The following ANLN variants were observed in gnomAD, a reference collection of about 807,000 sequenced individuals.
ANLN encodes anillin.
ANLN carries 59 observed loss-of-function variants against 135.1 expected under a neutral mutation model. The ratio of observed to expected loss-of-function variants is 0.44; its 90% CI spans 0.35 to 0.54. The LOEUF (loss-of-function observed/expected upper bound fraction) is 0.54. ANLN is among the 20% of genes least tolerant of loss of function. ANLN has a pLI of 0.00. For synonymous variants in ANLN, 406 were observed against 456.4 expected (o/e 0.89, Z 1.41); for missense variants, 1,182 against 1,340.0 (o/e 0.88, Z 1.84).
At chr7:36,439,346 C>T (rs989700170) in intron 21 of ANLN, 56 bp downstream of exon 21, 16 of 1,001,934 alleles carry the variant, frequency 1.6e-5, no homozygotes, top group African/African-American at 1.5e-4. Flanking sequence ...GAAATACAGA[C>T]TTGTTTCCCA....
rs1209229800 is a variant in ANLN, at chr7:36,410,955, CT to C, written c.1288-99del. 14 of 1,117,760 alleles carry C rather than the reference CT, an allele frequency of 1.3e-5. No homozygotes were observed. In the African/African-American group the frequency reaches 2.2e-4, roughly 18 times the overall value. The allele number at this position is 1,117,760 out of a possible 1,614,324, so 69.2% of individuals were successfully genotyped here. ...CTTTTTAAACTGAAAACTGTTTAAACTTTTTAAACAGTTTAAAACTGCAAAC... is the reference window on the plus strand; with the variant it reads ...CTTTTTAAACTGAAAACTGTTTAAACTTTTAAACAGTTTAAAACTGCAAAC... On this transcript the variant is annotated intron_variant, in intron 6 of 23. Coordinates refer to ENST00000265748, the MANE Select transcript of ANLN (RefSeq NM_018685.5).
At chr7:36,414,628 G>C (rs1314181872) in intron 7 of ANLN, among the ~76,000 whole-genome samples, 1 of 152,186 alleles carries the variant, frequency 6.6e-6, no homozygotes, top group Non-Finnish European at 1.5e-5. Flanking sequence ...GGGTAGTATT[G>C]AGGCTTAGAT....
At chr7:36,440,594 G>A (rs1488266798) in intron 21 of ANLN, among the ~76,000 whole-genome samples, 2 of 152,142 alleles carry the variant, frequency 1.3e-5, no homozygotes, top group African/African-American at 2.4e-5. Flanking sequence ...TGGGAGAGAC[G>A]TAAGCGGCTT....
At chr7:36,422,150 C>T (rs908610152) in intron 13 of ANLN, among the ~76,000 whole-genome samples, 158 bp downstream of exon 13, 1 of 152,098 alleles carries the variant, frequency 6.6e-6, no homozygotes, top group Non-Finnish European at 1.5e-5. Flanking sequence ...TTTAAGAACT[C>T]TATGTAAAAC....
Position 36,393,965 on chromosome 7 carries a change from T to G in ANLN, c.19-2301T>G, listed in dbSNP as rs528334327. On this transcript the variant is annotated intron_variant, in intron 1 of 23. Coordinates refer to ENST00000265748, the MANE Select transcript of ANLN (RefSeq NM_018685.5). ...TGCCTGGCATGGCCTTAGGTCCTAG[T>G]TATTTGTTTACAGACAGGGTCTCAC... Among the ~76,000 whole-genome samples the G allele has an allele frequency of 7.3e-5, 11 of 151,478 alleles. No homozygotes were observed. The South Asian group carries it at 2.3e-3, about 32-fold the overall frequency.
chr7:36,401,579 TCCGCCTGCCGCGGCCTC>T (rs1431033668), intron 3 of ANLN, among the ~76,000 whole-genome samples: 3 of 139,110 alleles, frequency 2.2e-5, no homozygotes, highest in Non-Finnish European at 3.2e-5. Context: ...CCTCAGGTGA[TCCGCCTGCCGCGGCCTC>T]CCAAAGTGCT....
intron 12 of ANLN, 109 bp from the exon 13 acceptor site, chr7:36,421,748 A>T: frequency 9.5e-7 from 1 of 1,055,144 alleles, no homozygotes; most frequent in Non-Finnish European, 1.3e-6. Context: ...TTTGACTTTC[A>T]TCTGGAAATT....
At chr7:36,398,407 C>T (rs2116520508) in intron 2 of ANLN, among the ~76,000 whole-genome samples, 1 of 152,270 alleles carries the variant, frequency 6.6e-6, no homozygotes, top group East Asian at 1.9e-4. Flanking sequence ...CTGGTTTCTA[C>T]ACTTGGCTCA....
intron 20 of ANLN, among the ~76,000 whole-genome samples, chr7:36,429,923 A>G (rs908659843): frequency 6.6e-6 from 1 of 152,208 alleles, no homozygotes; most frequent in Admixed American, 6.5e-5. Flanking sequence ...TGAGTGCAAA[A>G]TCAAACCACT....
At chr7:36,422,068 T>C in intron 13 of ANLN, 76 bp downstream of exon 13, 1 of 1,513,970 alleles carries the variant, frequency 6.6e-7, no homozygotes, top group Non-Finnish European at 8.9e-7. Flanking sequence ...TAGAAATCTT[T>C]AAGTTTAGAG....
intron 1 of ANLN, among the ~76,000 whole-genome samples, chr7:36,390,693 T>C (rs996651978): frequency 1.3e-5 from 2 of 152,232 alleles, no homozygotes; most frequent in Non-Finnish European, 2.9e-5. Context: ...CTCACGATTT[T>C]AGAGCAAAGA....
chr7:36,424,484 A>G (rs946002103), intron 15 of ANLN, 61 bp from the exon 16 acceptor site: 6 of 1,343,384 alleles, frequency 4.5e-6, no homozygotes, highest in Non-Finnish European at 6.2e-6. Context: ...TTGTAGCATC[A>G]TTTTTAATGG....
Position 36,425,953 on chromosome 7 carries a change from C to A in ANLN, c.2749-62C>A, listed in dbSNP as rs533347991. On this transcript the variant is annotated intron_variant, in intron 18 of 23. Coordinates refer to ENST00000265748, the MANE Select transcript of ANLN (RefSeq NM_018685.5). Reference sequence around the variant, plus strand: ...AGAGATGAGTGATTCATATTTAAATCTTTGTATTAAATAAGGGAAATAACT... The same window carrying A: ...AGAGATGAGTGATTCATATTTAAATATTTGTATTAAATAAGGGAAATAACT... 3.4e-5 allele frequency: 46 copies of A among 1,335,378 alleles called. 1 individual carries two copies. In the Admixed American group the frequency reaches 3.5e-4, roughly 10 times the overall value. The allele number at this position is 1,335,378 out of a possible 1,614,324, so 82.7% of individuals were successfully genotyped here.
At chr7:36,438,433 A>T (rs1171921702) in intron 20 of ANLN, among the ~76,000 whole-genome samples, 1 of 152,140 alleles carries the variant, frequency 6.6e-6, no homozygotes. Context: ...GTGCAGTGGC[A>T]TGATCATAGC....
At chr7:36,437,519 A>C (rs916154895) in intron 20 of ANLN, among the ~76,000 whole-genome samples, 2 of 152,126 alleles carry the variant, frequency 1.3e-5, no homozygotes, top group African/African-American at 4.8e-5. Flanking sequence ...CACTTCAAGA[A>C]CCCATTTCAA....
intron 21 of ANLN, among the ~76,000 whole-genome samples, chr7:36,441,976 G>A (rs1282179941): frequency 1.3e-5 from 2 of 152,210 alleles, no homozygotes; most frequent in African/African-American, 4.8e-5. Context: ...AAAAAGGTGA[G>A]GCAGGAGAGC....
intron 20 of ANLN, among the ~76,000 whole-genome samples, chr7:36,436,470 G>T (rs988176708): frequency 6.6e-6 from 1 of 152,134 alleles, no homozygotes; most frequent in Admixed American, 6.5e-5. Context: ...TCTTTTGTAC[G>T]TATACATAGG....
chr7:36,415,987 G>T, intron 8 of ANLN, 103 bp downstream of exon 8: 1 of 1,002,890 alleles, frequency 1.0e-6, no homozygotes, highest in Non-Finnish European at 1.4e-6. Context: ...TTGTTCTAAC[G>T]TTTTTTGGGG....
chr7:36,390,010 G>T lies in ANLN; in HGVS notation c.-17G>T, dbSNP rs1333425567. ...GAACCACCGTTTCCATCGTCTCGTA[G>T]TCCGACGCCTGGGGCGATGGATCCG... On this transcript the variant is annotated 5_prime_UTR_variant, in exon 1 of 24. Transcript: ENST00000265748. 1 of 1,613,984 alleles carries T rather than the reference G, an allele frequency of 6.2e-7. No individual in the cohort carries two copies. The highest frequency in any genetic ancestry group is 8.5e-7 in the Non-Finnish European group (1 of 1,179,974).
Sources: gnomAD v4.1 joint callset for allele counts (sites outside exome capture counted in the v4.1 genomes callset) on GRCh38, gnomAD v4.1.1 for gene constraint, MANE v1.5 for transcripts, NCBI Gene and HGNC (gene_info 2026-07-23, HGNC 2026-07-21) for gene names.